Variants in PDE1A observed in about 807,000 individuals in gnomAD.
PDE1A encodes phosphodiesterase 1A, also known as dual specificity calcium/calmodulin-dependent 3',5'-cyclic nucleotide phosphodiesterase 1A.
Under a neutral mutation model 61.7 loss-of-function variants are expected in PDE1A, and 35 were observed. The observed-to-expected ratio is 0.57, with a 90% CI of 0.43 to 0.75. The LOEUF (loss-of-function observed/expected upper bound fraction) is 0.75. Ranked by LOEUF, PDE1A falls within the 30% of genes least tolerant of loss-of-function variation. PDE1A has a pLI of 0.00. For synonymous variants in PDE1A, 232 were observed against 213.2 expected, an observed-to-expected ratio of 1.09 and a Z score of -0.77; for missense variants, 597 against 630.6, an observed-to-expected ratio of 0.95 and a Z score of 0.57.
chr2:182,475,292 A>G (rs1275627649), intron 2 of PDE1A, among the ~76,000 whole-genome samples: 1 of 151,920 alleles, frequency 6.6e-6, no homozygotes, highest in East Asian at 1.9e-4. Context: ...ACAGGTGCAG[A>G]CTAAGGCCAT....
the PDE1A span, among the ~76,000 whole-genome samples, chr2:182,568,535 G>T: frequency 5.9e-5 from 9 of 152,032 alleles, no homozygotes; most frequent in Non-Finnish European, 1.0e-4. Context: ...GCGCAGTGGC[G>T]GGCGCCTGTA....
chr2:182,531,042 T>A, the PDE1A span, among the ~76,000 whole-genome samples: 3 of 151,958 alleles, frequency 2.0e-5, no homozygotes, highest in African/African-American at 7.2e-5. Flanking sequence ...CTCAAACTGA[T>A]AAAATAATGA....
chr2:182,552,867 T>C, the PDE1A span, among the ~76,000 whole-genome samples: 3 of 152,296 alleles, frequency 2.0e-5, no homozygotes, highest in South Asian at 2.1e-4. Context: ...TTCTGGTCCA[T>C]GTTTGTTACG....
the PDE1A span, among the ~76,000 whole-genome samples, chr2:182,645,049 A>T: frequency 6.7e-6 from 1 of 149,592 alleles, no homozygotes; most frequent in Non-Finnish European, 1.5e-5. Context: ...GCAGTGGCAC[A>T]ATCTCCACTC....
the PDE1A span, among the ~76,000 whole-genome samples, chr2:182,644,817 C>T: frequency 6.6e-6 from 1 of 151,688 alleles, no homozygotes; most frequent in Non-Finnish European, 1.5e-5. Flanking sequence ...ATCAGTGAAA[C>T]CCACCAAGAT....
At chr2:182,706,007 A>G in the PDE1A span, among the ~76,000 whole-genome samples, 5 of 152,238 alleles carry the variant, frequency 3.3e-5, no homozygotes, top group African/African-American at 1.2e-4. Flanking sequence ...GGAATTGTTA[A>G]ACCTAAATCT....
chr2:182,209,713 C>G (rs1476007987), intron 7 of PDE1A, among the ~76,000 whole-genome samples: 1 of 151,824 alleles, frequency 6.6e-6, no homozygotes, highest in African/African-American at 2.4e-5. Flanking sequence ...CCCTTCACTC[C>G]CTCTCTTGCC....
the PDE1A span, among the ~76,000 whole-genome samples, chr2:182,618,553 G>A: frequency 5.3e-4 from 78 of 147,174 alleles, no homozygotes; most frequent in Middle Eastern, 3.5e-3. Flanking sequence ...TCATTGTTGA[G>A]CTTTGATTCT....
chr2:182,396,172 C>A (rs926209191), intron 1 of PDE1A, among the ~76,000 whole-genome samples: 1 of 152,316 alleles, frequency 6.6e-6, no homozygotes, highest in African/African-American at 2.4e-5. Flanking sequence ...GAAGAGAAGA[C>A]TAAGGCCTGG....
chr2:182,185,943 C>G (rs1685164596), exon 13 of PDE1A: 7 of 1,614,052 alleles, frequency 4.3e-6, no homozygotes, highest in Non-Finnish European at 5.9e-6. Context: ...ATGATGTCCA[C>G]CAGGTTGTTC....
chr2:182,194,881 TCACACACA>T (rs55809632), intron 10 of PDE1A, among the ~76,000 whole-genome samples: 2,932 of 144,922 alleles, frequency 0.02, 99 homozygotes, highest in African/African-American at 0.066. Context: ...TCTGAAATAT[TCACACACA>T]CACACACACA....
At chr2:182,525,524 A>G (rs1690764783), upstream of PDE1A, among the ~76,000 whole-genome samples, 1 of 152,036 alleles carries the variant, frequency 6.6e-6, no homozygotes, top group African/African-American at 2.4e-5. Context: ...AGGTGATTGG[A>G]TCATGGGGGT....
the PDE1A span, among the ~76,000 whole-genome samples, chr2:182,627,426 T>A: frequency 1.2e-5 from 1 of 85,382 alleles, no homozygotes; most frequent in African/African-American, 3.7e-5. Flanking sequence ...TATATTATAT[T>A]TAAATATATA....
chr2:182,226,682 AC>A (rs1689168291), intron 6 of PDE1A, among the ~76,000 whole-genome samples: 1 of 149,738 alleles, frequency 6.7e-6, no homozygotes, highest in African/African-American at 2.5e-5. Context: ...CAACTACAGC[AC>A]TGGTCAATAC....
chr2:182,418,475 T>C (rs1026155936), intron 1 of PDE1A, among the ~76,000 whole-genome samples: 1 of 152,218 alleles, frequency 6.6e-6, no homozygotes. Context: ...ACTACACTGC[T>C]TCATTCATAT....
At chr2:182,600,037 T>C in the PDE1A span, among the ~76,000 whole-genome samples, 2 of 152,164 alleles carry the variant, frequency 1.3e-5, no homozygotes, top group African/African-American at 4.8e-5. Context: ...AGGAGAAAAA[T>C]AAATCCTTAA....
At chr2:182,267,435 A>G (rs1358789914) in intron 1 of PDE1A, among the ~76,000 whole-genome samples, 2 of 79,122 alleles carry the variant, frequency 2.5e-5, no homozygotes, top group African/African-American at 1.1e-4. Flanking sequence ...ACATGCACAC[A>G]CACACACACA....
At chr2:182,178,442 G>A (rs1312426521) in intron 13 of PDE1A, among the ~76,000 whole-genome samples, 1 of 152,116 alleles carries the variant, frequency 6.6e-6, no homozygotes, top group Non-Finnish European at 1.5e-5. Context: ...AAGGTGTAAG[G>A]GAGAAAAGAG....
the PDE1A span, among the ~76,000 whole-genome samples, chr2:182,544,170 G>A: frequency 1.2e-4 from 18 of 152,280 alleles, no homozygotes; most frequent in Admixed American, 9.2e-4. Context: ...ATGAGGTTAA[G>A]AGGTGACCAA....
Sources: allele counts gnomAD v4.1 joint callset (sites outside exome capture counted in the v4.1 genomes callset), GRCh38; gene constraint gnomAD v4.1.1; transcripts MANE v1.5; gene names NCBI Gene and HGNC (gene_info 2026-07-23, HGNC 2026-07-21).